The following PDE11A variants were observed in gnomAD, a reference collection of about 807,000 sequenced individuals.
The protein encoded by PDE11A is phosphodiesterase 11A.
A neutral mutation model predicts 100.5 loss-of-function variants in PDE11A; 100 were observed. The ratio of observed to expected loss-of-function variants is 1.00; its 90% CI spans 0.85 to 1.18. PDE11A has a LOEUF of 1.18. PDE11A is among the 50% of genes most tolerant of loss of function. PDE11A has a pLI of 0.00. For missense variants in PDE11A, 1,141 were observed against 1,152.6 expected (o/e 0.99, Z 0.15); for synonymous variants, 381 against 420.8 (o/e 0.91, Z 1.16).
intron 2 of PDE11A, among the ~76,000 whole-genome samples, chr2:178,091,277 A>G (rs1574393640): frequency 6.6e-6 from 1 of 152,076 alleles, no homozygotes; most frequent in Admixed American, 6.6e-5. Flanking sequence ...CACCATGTTG[A>G]CCAGGCTGAT....
chr2:177,889,593 C>T (rs977413559), intron 4 of PDE11A, among the ~76,000 whole-genome samples: 1 of 150,652 alleles, frequency 6.6e-6, no homozygotes, highest in Non-Finnish European at 1.5e-5. Flanking sequence ...TTTTTTAATG[C>T]TTTATTATTA....
At chr2:177,746,553 C>G (rs2081950801) in intron 10 of PDE11A, among the ~76,000 whole-genome samples, 1 of 152,194 alleles carries the variant, frequency 6.6e-6, no homozygotes, top group Non-Finnish European at 1.5e-5. Flanking sequence ...ATTCTACAAG[C>G]TGCCAAACGG....
intron 10 of PDE11A, 105 bp from the exon 11 acceptor site, chr2:177,728,277 G>T: frequency 1.1e-6 from 1 of 887,538 alleles, no homozygotes; most frequent in South Asian, 1.3e-5. Context: ...AATCAGGCCT[G>T]ACCTGCACTT....
chr2:177,925,109 T>C (rs2085108955), intron 2 of PDE11A, among the ~76,000 whole-genome samples: 1 of 150,502 alleles, frequency 6.6e-6, no homozygotes, highest in South Asian at 2.1e-4. Flanking sequence ...TGTGCCACAT[T>C]TTCTTAATCC....
chr2:177,738,689 G>A (rs202128107), intron 10 of PDE11A, among the ~76,000 whole-genome samples: 1 of 152,158 alleles, frequency 6.6e-6, no homozygotes, highest in South Asian at 2.1e-4. Context: ...GACCCTCCCT[G>A]CTGCAGCCTC....
At chr2:177,892,962 G>A (rs1464380772) in intron 4 of PDE11A, among the ~76,000 whole-genome samples, 2 of 152,150 alleles carry the variant, frequency 1.3e-5, no homozygotes, top group Non-Finnish European at 2.9e-5. Context: ...TACTGCCTCT[G>A]ACATTGTCAC....
At chr2:177,712,211 A>C (rs541347826) in intron 12 of PDE11A, among the ~76,000 whole-genome samples, 71 of 152,308 alleles carry the variant, frequency 4.7e-4, no homozygotes, top group African/African-American at 1.7e-3. Context: ...GTTATTATAC[A>C]TTTTAATGAT....
At chr2:178,073,477 G>A (rs976932821), upstream of PDE11A, among the ~76,000 whole-genome samples, 1 of 152,164 alleles carries the variant, frequency 6.6e-6, no homozygotes, top group Non-Finnish European at 1.5e-5. Context: ...AGAGTCTGGA[G>A]TATTTAATTA....
At chr2:177,664,163 T>C (rs528696754) in intron 18 of PDE11A, among the ~76,000 whole-genome samples, 58 of 152,346 alleles carry the variant, frequency 3.8e-4, no homozygotes, top group Middle Eastern at 3.4e-3. Context: ...CAAATTTACT[T>C]GAACTTTCTA....
At chr2:177,755,786 C>A (rs1273672256) in intron 10 of PDE11A, among the ~76,000 whole-genome samples, 1 of 152,194 alleles carries the variant, frequency 6.6e-6, no homozygotes, top group Non-Finnish European at 1.5e-5. Flanking sequence ...CCAGAGGCCA[C>A]TTTTACCCCT....
chr2:177,755,485 T>C (rs1303471570), intron 10 of PDE11A, among the ~76,000 whole-genome samples: 2 of 152,204 alleles, frequency 1.3e-5, no homozygotes, highest in Non-Finnish European at 1.5e-5. Context: ...TACCTGCATG[T>C]ACTGTGAAGG....
chr2:177,853,210 C>G (rs888616595), intron 5 of PDE11A, among the ~76,000 whole-genome samples: 14 of 151,926 alleles, frequency 9.2e-5, no homozygotes, highest in African/African-American at 3.4e-4. Context: ...ATTATTATCT[C>G]TAATTTTTAG....
intron 13 of PDE11A, 37 bp from the exon 14 acceptor site, chr2:177,701,248 C>T (rs776224201): frequency 2.9e-5 from 29 of 1,000,568 alleles, no homozygotes; most frequent in Non-Finnish European, 4.2e-5. Context: ...CAGGGCCTAT[C>T]GATGGTTCCC....
At chr2:177,893,641 T>C (rs1358404416) in intron 4 of PDE11A, among the ~76,000 whole-genome samples, 1 of 152,204 alleles carries the variant, frequency 6.6e-6, no homozygotes, top group Non-Finnish European at 1.5e-5. Flanking sequence ...AGATAACTAT[T>C]GGTTATAACA....
chr2:177,752,070 G>A (rs1308267544), intron 10 of PDE11A, among the ~76,000 whole-genome samples: 1 of 152,146 alleles, frequency 6.6e-6, no homozygotes, highest in Non-Finnish European at 1.5e-5. Context: ...CGCTCACCAC[G>A]AGAAAAAGAA....
At chr2:177,879,891 T>C (rs2084300901) in intron 4 of PDE11A, among the ~76,000 whole-genome samples, 1 of 152,200 alleles carries the variant, frequency 6.6e-6, no homozygotes, top group Non-Finnish European at 1.5e-5. Context: ...TGTTAGAACA[T>C]CTTACTCCAA....
intron 2 of PDE11A, among the ~76,000 whole-genome samples, chr2:177,914,130 C>T (rs760938153): frequency 6.6e-5 from 10 of 152,122 alleles, no homozygotes; most frequent in Non-Finnish European, 1.2e-4. Context: ...AGATTGAACA[C>T]TTTTCATAAT....
chr2:177,961,284 T>G (rs1418670137), intron 2 of PDE11A, among the ~76,000 whole-genome samples: 2 of 151,940 alleles, frequency 1.3e-5, no homozygotes, highest in African/African-American at 4.8e-5. Flanking sequence ...TCGGTGAGAA[T>G]CTCACCTAAG....
At chr2:177,957,413 A>G (rs909989241) in intron 2 of PDE11A, among the ~76,000 whole-genome samples, 4 of 152,224 alleles carry the variant, frequency 2.6e-5, no homozygotes, top group Non-Finnish European at 5.9e-5. Context: ...AATCCTAAAA[A>G]CAACAACACA....
Sources: allele counts gnomAD v4.1 joint callset (sites outside exome capture counted in the v4.1 genomes callset), GRCh38; gene constraint gnomAD v4.1.1; transcripts MANE v1.5; gene names NCBI Gene and HGNC (gene_info 2026-07-23, HGNC 2026-07-21).